The following DTNA variants were observed in gnomAD, a reference collection of about 807,000 sequenced individuals.
DTNA encodes the protein dystrobrevin alpha.
DTNA carries 43 observed loss-of-function variants against 100.7 expected under a neutral mutation model. The observed-to-expected ratio is 0.43, with a 90% CI of 0.33 to 0.55. The LOEUF (loss-of-function observed/expected upper bound fraction) is 0.55. DTNA is among the 20% of genes least tolerant of loss of function. DTNA has a pLI of 0.04. For missense variants in DTNA, 798 were observed against 953.9 expected (o/e 0.84, Z 2.15); for synonymous variants, 349 against 347.9 (o/e 1.00, Z -0.04).
At chr18:34,527,538 G>A (rs894205971) in intron 1 of DTNA, among the ~76,000 whole-genome samples, 1 of 151,914 alleles carries the variant, frequency 6.6e-6, no homozygotes, top group African/African-American at 2.4e-5. Flanking sequence ...TTGTTTAAGT[G>A]GCAAAACAAA....
chr18:34,564,561 A>G (rs1336518953), intron 1 of DTNA, among the ~76,000 whole-genome samples: 2 of 152,226 alleles, frequency 1.3e-5, no homozygotes, highest in South Asian at 2.1e-4. Flanking sequence ...AGCCCTTTTC[A>G]TTGTGGAGAA....
intron 1 of DTNA, among the ~76,000 whole-genome samples, chr18:34,548,278 A>G (rs1230476011): frequency 6.6e-6 from 1 of 152,104 alleles, no homozygotes; most frequent in African/African-American, 2.4e-5. Context: ...AGGTGTCCCT[A>G]TACTCTGGTA....
At chr18:34,631,895 C>T (rs1390637508) in intron 1 of DTNA, among the ~76,000 whole-genome samples, 2 of 152,092 alleles carry the variant, frequency 1.3e-5, no homozygotes, top group African/African-American at 4.8e-5. Flanking sequence ...ACTGGGTTCT[C>T]CTCAAATTTA....
At chr18:34,706,111 G>A (rs564389996), upstream of DTNA, among the ~76,000 whole-genome samples, 2 of 152,090 alleles carry the variant, frequency 1.3e-5, no homozygotes, top group African/African-American at 4.8e-5. Context: ...ACCATGCCCA[G>A]CTAATTTTGT....
intron 1 of DTNA, among the ~76,000 whole-genome samples, chr18:34,634,470 T>A (rs960724721): frequency 6.6e-6 from 1 of 152,178 alleles, no homozygotes; most frequent in African/African-American, 2.4e-5. Context: ...GTTTTCACAT[T>A]TTTGCAAATC....
At position 34,598,591 on chromosome 18, in the gene DTNA, G is replaced by A. The variant is rs112008505; in HGVS notation, c.-2+105077G>A. Among the ~76,000 whole-genome samples the A allele has an allele frequency of 2.6e-3, 395 of 152,230 alleles. 4 individuals are homozygous for A. Among genetic ancestry groups the A allele is most frequent in the African/African-American group, 8.7e-3 (363 of 41,550 alleles). On this transcript the variant is annotated intron_variant, in intron 1 of 19. Transcript: ENST00000283365. Reference sequence around the variant, plus strand: ...AAAATTTTTAAGGCCTTGGCCAGGCGCATTGGTTCACGCCTGTAATTGAGC... The same window carrying A: ...AAAATTTTTAAGGCCTTGGCCAGGCACATTGGTTCACGCCTGTAATTGAGC...
chr18:34,552,781 T>C (rs2045582645), intron 1 of DTNA, among the ~76,000 whole-genome samples: 1 of 150,432 alleles, frequency 6.6e-6, no homozygotes, highest in African/African-American at 2.5e-5. Context: ...CTATCATTGT[T>C]GGACATTTGG....
At chr18:34,822,272 C>T (rs1196964466) in intron 9 of DTNA, 1 of 152,224 alleles carries the variant, frequency 6.6e-6, no homozygotes, top group Non-Finnish European at 1.5e-5. Context: ...TTATTAAGAA[C>T]CTTATTAAGA....
At chr18:34,580,673 C>T (rs9955878) in intron 1 of DTNA, among the ~76,000 whole-genome samples, 15,627 of 152,080 alleles carry the variant, frequency 0.1, 1,151 homozygotes, top group African/African-American at 0.2. Context: ...TTCTGGACCA[C>T]GGAGGATCTC....
intron 13 of DTNA, among the ~76,000 whole-genome samples, chr18:34,841,780 T>G (rs1193383738): frequency 6.6e-6 from 1 of 152,190 alleles, no homozygotes; most frequent in Non-Finnish European, 1.5e-5. Flanking sequence ...GGCCTCTAGC[T>G]GTTCTCCATC....
In DTNA at chr18:34,806,211, T is replaced by A. The variant is rs1367487042; in HGVS notation, c.363-8T>A. On this transcript the variant is annotated splice_polypyrimidine_tract_variant and splice_region_variant and intron_variant, in intron 4 of 22. Transcript: ENST00000444659. ...TGTTTTTGTTTTTTTTCTATTACCA[T>A]TAAACAGGGAAGGCCATGGTAAAAT... 2 of 1,613,178 alleles carry A rather than the reference T, an allele frequency of 1.2e-6. No homozygotes were observed. The highest frequency in any genetic ancestry group is 4.5e-5 in the East Asian group (2 of 44,838).
At chr18:34,616,129 G>T (rs113092096) in intron 1 of DTNA, among the ~76,000 whole-genome samples, 2,666 of 152,214 alleles carry the variant, frequency 0.018, 80 homozygotes, top group African/African-American at 0.061. Context: ...GGATCAAATG[G>T]TACTTCTCTT....
intron 1 of DTNA, among the ~76,000 whole-genome samples, chr18:34,722,058 T>A (rs8087814): frequency 0.12 from 17,953 of 152,102 alleles, 1,574 homozygotes; most frequent in African/African-American, 0.24. Context: ...CTAAAATGTT[T>A]AAAAAAAGTC....
chr18:34,643,634 G>T (rs1394221744), intron 1 of DTNA, among the ~76,000 whole-genome samples: 1 of 152,160 alleles, frequency 6.6e-6, no homozygotes, highest in African/African-American at 2.4e-5. Context: ...CAGTTTCCTT[G>T]TCTAGGCTCT....
At chr18:34,773,743 G>A (rs1381863126) in intron 3 of DTNA, among the ~76,000 whole-genome samples, 1 of 152,156 alleles carries the variant, frequency 6.6e-6, no homozygotes, top group Non-Finnish European at 1.5e-5. Context: ...CTCCTCTCTG[G>A]CACCCTGGAC....
chr18:34,727,989 A>C (rs1012906219), intron 1 of DTNA, among the ~76,000 whole-genome samples: 4 of 152,238 alleles, frequency 2.6e-5, no homozygotes, highest in Non-Finnish European at 5.9e-5. Flanking sequence ...AAATAAAGCA[A>C]GGTATCCTTA....
At chr18:34,539,510 A>G (rs935472431) in intron 1 of DTNA, among the ~76,000 whole-genome samples, 1 of 151,972 alleles carries the variant, frequency 6.6e-6, no homozygotes, top group African/African-American at 2.4e-5. Flanking sequence ...TAATCTAATA[A>G]AGTGTCAGGA....
chr18:34,657,090 A>T (rs991524853), intron 1 of DTNA, among the ~76,000 whole-genome samples: 4 of 151,986 alleles, frequency 2.6e-5, no homozygotes, highest in African/African-American at 4.8e-5. Flanking sequence ...GTTGCCCAGG[A>T]TGGTCTCAAA....
At chr18:34,639,887 G>A (rs2059081188) in intron 1 of DTNA, among the ~76,000 whole-genome samples, 1 of 152,210 alleles carries the variant, frequency 6.6e-6, no homozygotes, top group African/African-American at 2.4e-5. Flanking sequence ...AACAACAGCA[G>A]AAGTTGCAAC....
Sources: gnomAD v4.1 joint callset for allele counts (sites outside exome capture counted in the v4.1 genomes callset) on GRCh38, gnomAD v4.1.1 for gene constraint, MANE v1.5 for transcripts, NCBI Gene and HGNC (gene_info 2026-07-23, HGNC 2026-07-21) for gene names.